CPEB2: variants seen among roughly 807,000 people sequenced by gnomAD.
CPEB2 encodes cytoplasmic polyadenylation element binding protein 2.
A neutral mutation model predicts 93.6 loss-of-function variants in CPEB2; 56 were observed. That is an observed-to-expected ratio of 0.60 (90% CI 0.48 to 0.75). CPEB2 has a LOEUF of 0.75. Among genes scored for constraint, CPEB2 ranks in the 30% least tolerant of loss-of-function variants. CPEB2 has a pLI of 0.00. For missense variants in CPEB2, 1,579 were observed against 1,395.1 expected (o/e 1.13, Z -2.10); for synonymous variants, 764 against 586.3 (o/e 1.30, Z -4.38).
At position 15,069,770 on chromosome 4, in the gene CPEB2, G is replaced by T. The variant is rs1202105889; in HGVS notation, c.*3390G>T. On this transcript the variant is annotated 3_prime_UTR_variant, in exon 12 of 12. Transcript: ENST00000538197. ...TAAAGCAACTAGTTTCTAATTCCCA[G>T]TTTCTGTATAGAATCGCACAAGTGG... is the stretch of plus-strand genomic sequence containing the variant. The T allele has an allele frequency of 6.6e-6, 1 of 152,128 alleles. No homozygotes were observed. The highest frequency in any genetic ancestry group is 1.5e-5 in the Non-Finnish European group (1 of 67,816). The allele number at this position is 152,128 out of a possible 1,614,324, so 9.4% of individuals were successfully genotyped here. A position where few individuals can be genotyped will look rare whatever the true frequency, so the allele number is the denominator to read the frequency against.
At position 15,003,733 on chromosome 4, in the gene CPEB2, G is replaced by T; in HGVS notation, c.1060G>T (p.Gly354Cys). The T allele has an allele frequency of 7.7e-7, 1 of 1,296,028 alleles. No individual in the cohort carries two copies. Among genetic ancestry groups the T allele is most frequent in the Non-Finnish European group, 9.7e-7 (1 of 1,026,642 alleles). 80.3% of individuals were successfully genotyped at this position (1,296,028 alleles called of 1,614,324 possible). A position where few individuals can be genotyped will look rare whatever the true frequency, so the allele number is the denominator to read the frequency against. The change falls in exon 1 of 12, where the codon GGC becomes TGC. Residue 354 changes from glycine (G) to cysteine (C), a missense_variant. Physicochemically the swap from Gly to Cys is radical, Grantham distance 159 (BLOSUM62 -3). Transcript: ENST00000538197. The part of the protein sequence containing the change: ...SPDLPHPGGG[G>C]GGGGGGPPGG... ...GGACCTTCCACACCCGGGCGGCGGC[G>T]GCGGCGGCGGGGGCGGGGGGCCCCC...
At chr4:15,006,138 G>A (rs1419780993) in intron 1 of CPEB2, among the ~76,000 whole-genome samples, 1 of 152,162 alleles carries the variant, frequency 6.6e-6, no homozygotes, top group Non-Finnish European at 1.5e-5. Context: ...CAAGAATGAA[G>A]TGGTTTGTCC....
In CPEB2 at chr4:15,004,114, A is replaced by G. The variant is rs1722434608; in HGVS notation, c.1441A>G (p.Ser481Gly). Residue 481 changes from serine to glycine, a missense_variant, in exon 1 of 12, where the codon AGC (serine) becomes GGC (glycine). By Grantham distance (56) the Ser-to-Gly change is moderately conservative. This residue lies in a region of CPEB2 where 1,411 missense variants were observed against 1,056.0 expected (regional missense o/e 1.34). Transcript: ENST00000538197. ...CTGCACTGGGCTCAGCGTTCCGACG[A>G]GCGGCGGCGGCGGCGGCGGCTTCGG... ...HGCTGLSVPT[S>G]GGGGGGFGGP... is the part of the protein sequence containing the mutation. The G allele has an allele frequency of 1.4e-6, 2 of 1,475,084 alleles. No homozygotes were observed. The highest frequency in any genetic ancestry group is 1.2e-5 in the South Asian group (1 of 81,874). 91.4% of individuals were successfully genotyped at this position (1,475,084 alleles called of 1,614,324 possible).
intron 3 of CPEB2, among the ~76,000 whole-genome samples, chr4:15,010,788 A>C (rs536541025): frequency 3.9e-4 from 59 of 152,190 alleles, no homozygotes; most frequent in Non-Finnish European, 7.1e-4. Context: ...TCTCAAACTG[A>C]TTGGGGCCTA....
intron 5 of CPEB2, among the ~76,000 whole-genome samples, chr4:15,033,515 C>T (rs1726328129): frequency 6.6e-6 from 1 of 152,158 alleles, no homozygotes; most frequent in Non-Finnish European, 1.5e-5. Context: ...TTAGTTTCCC[C>T]ATCTCTGTAA....
intron 4 of CPEB2, among the ~76,000 whole-genome samples, chr4:15,022,775 A>T (rs1475512675): frequency 6.6e-6 from 1 of 152,084 alleles, no homozygotes; most frequent in Non-Finnish European, 1.5e-5. Flanking sequence ...CACTACTAAG[A>T]ATTGTTCATC....
Position 15,003,329 on chromosome 4 carries a change from T to C in CPEB2, c.656T>C (p.Leu219Pro), listed in dbSNP as rs1722252334. Residue 219 changes from leucine to proline, a missense_variant, in exon 1 of 12, where the codon CTC (leucine) becomes CCC (proline). Physicochemically the swap from Leu to Pro is moderately conservative, Grantham distance 98. This residue lies in a region of CPEB2 where 1,411 missense variants were observed against 1,056.0 expected (regional missense o/e 1.34). Coordinates refer to ENST00000538197, the MANE Select transcript of CPEB2 (RefSeq NM_001177382.2). Reference protein sequence around the residue: ...SPPPPPAGPLLQPAQLAQRQQ... With the variant: ...SPPPPPAGPLPQPAQLAQRQQ... ...CCGCCGCCGCCAGCCGGCCCGCTCC[T>C]CCAGCCGGCGCAGCTCGCTCAGCGC... 7.1e-7 allele frequency: 1 copy of C among 1,407,164 alleles called. No individual in the cohort carries two copies. Among genetic ancestry groups the C allele is most frequent in the East Asian group, 3.0e-5 (1 of 33,072 alleles). 87.2% of individuals were successfully genotyped at this position (1,407,164 alleles called of 1,614,324 possible).
chr4:15,050,759 A>T, intron 6 of CPEB2, among the ~76,000 whole-genome samples: 1 of 151,016 alleles, frequency 6.6e-6, no homozygotes, highest in African/African-American at 2.4e-5. Flanking sequence ...CCTTTCTCTA[A>T]CTCCTTGAAT....
chr4:15,050,973 A>G (rs1193314393), intron 6 of CPEB2, among the ~76,000 whole-genome samples: 1 of 152,226 alleles, frequency 6.6e-6, no homozygotes, highest in Non-Finnish European at 1.5e-5. Flanking sequence ...CTAACAGCAT[A>G]TAAAACTTTA....
intron 4 of CPEB2, among the ~76,000 whole-genome samples, chr4:15,020,831 G>A (rs1490657151): frequency 2.0e-5 from 3 of 152,098 alleles, no homozygotes; most frequent in East Asian, 1.9e-4. Flanking sequence ...TACAATATAC[G>A]TATATCTACT....
At chr4:15,050,358 T>C (rs1309747228) in intron 6 of CPEB2, among the ~76,000 whole-genome samples, 1 of 152,186 alleles carries the variant, frequency 6.6e-6, no homozygotes, top group African/African-American at 2.4e-5. Flanking sequence ...GGAAAAATTG[T>C]TGTCCACAAA....
At chr4:15,028,824 G>C (rs1725759386) in intron 4 of CPEB2, among the ~76,000 whole-genome samples, 1 of 152,102 alleles carries the variant, frequency 6.6e-6, no homozygotes, top group Non-Finnish European at 1.5e-5. Flanking sequence ...AAAAATGGTA[G>C]AGAATCAGGG....
intron 1 of CPEB2, 39 bp downstream of exon 1, chr4:15,004,374 G>C: frequency 1.5e-6 from 2 of 1,377,684 alleles, no homozygotes; most frequent in South Asian, 3.0e-5. Context: ...GCGGGACCGG[G>C]AGACCATGGG....
intron 5 of CPEB2, among the ~76,000 whole-genome samples, chr4:15,038,957 T>A (rs80279526): frequency 6.6e-6 from 1 of 152,156 alleles, no homozygotes; most frequent in African/African-American, 2.4e-5. Flanking sequence ...TGATCTCCCA[T>A]CACTTAGAGC....
chr4:15,038,761 G>A (rs1300377125), intron 5 of CPEB2, among the ~76,000 whole-genome samples: 1 of 151,840 alleles, frequency 6.6e-6, no homozygotes, highest in Non-Finnish European at 1.5e-5. Flanking sequence ...GCTAATTTTT[G>A]TATTTTTAGT....
chr4:15,060,233 G>A (rs1287483502), intron 10 of CPEB2, among the ~76,000 whole-genome samples: 4 of 152,162 alleles, frequency 2.6e-5, no homozygotes, highest in Non-Finnish European at 5.9e-5. Context: ...TACAAGGAGT[G>A]AGGGAAGGGG....
At chr4:15,046,598 C>T (rs1289877756) in intron 6 of CPEB2, among the ~76,000 whole-genome samples, 4 of 152,132 alleles carry the variant, frequency 2.6e-5, no homozygotes, top group African/African-American at 4.8e-5. Flanking sequence ...TTGCAGTTTC[C>T]TGATGACTAA....
At chr4:15,036,442 G>C (rs1255131170) in intron 5 of CPEB2, among the ~76,000 whole-genome samples, 7 of 150,466 alleles carry the variant, frequency 4.7e-5, no homozygotes, top group Non-Finnish European at 8.9e-5. Context: ...TAAAACCAAA[G>C]GTGAAGTACT....
intron 4 of CPEB2, among the ~76,000 whole-genome samples, chr4:15,020,363 A>G (rs1276220589): frequency 6.6e-6 from 1 of 152,110 alleles, no homozygotes; most frequent in Non-Finnish European, 1.5e-5. Context: ...GTTAAAGGAA[A>G]AGAAAAATTA....
Sources: allele counts gnomAD v4.1 joint callset (sites outside exome capture counted in the v4.1 genomes callset), GRCh38; gene constraint gnomAD v4.1.1; regional missense constraint gnomAD v4.1.1; transcripts MANE v1.5; gene names NCBI Gene and HGNC (gene_info 2026-07-23, HGNC 2026-07-21).